The following RIMS2 variants were observed in gnomAD, a reference collection of about 807,000 sequenced individuals.
The protein encoded by RIMS2 is regulating synaptic membrane exocytosis protein 2.
In RIMS2, 59 loss-of-function variants were observed where a neutral mutation model predicts 174.4. The ratio of observed to expected loss-of-function variants is 0.34; its 90% CI spans 0.27 to 0.42. The LOEUF is 0.42. Among genes scored for constraint, RIMS2 ranks in the 10% least tolerant of loss-of-function variants. RIMS2 has a pLI of 1.00. For missense variants in RIMS2, 1,620 were observed against 1,666.3 expected, an observed-to-expected ratio of 0.97 and a Z score of 0.48; for synonymous variants, 606 against 572.5, an observed-to-expected ratio of 1.06 and a Z score of -0.84.
At chr8:103,504,872 G>A (rs1822635944) in intron 1 of RIMS2, among the ~76,000 whole-genome samples, 1 of 122,174 alleles carries the variant, frequency 8.2e-6, no homozygotes, top group Non-Finnish European at 1.7e-5. Context: ...TTTTGAGATA[G>A]GGTCTTTCTT....
intron 19 of RIMS2, among the ~76,000 whole-genome samples, chr8:104,053,986 T>C (rs553442836): frequency 3.3e-4 from 51 of 152,286 alleles, no homozygotes; most frequent in Admixed American, 2.0e-3. Context: ...CAACTCACTC[T>C]AGTTTGCAGC....
chr8:103,601,853 C>A (rs569836983), intron 1 of RIMS2, among the ~76,000 whole-genome samples: 12 of 152,000 alleles, frequency 7.9e-5, no homozygotes, highest in African/African-American at 2.9e-4. Flanking sequence ...CTTGCAAAGA[C>A]TTTCTTATAA....
At chr8:103,867,012 A>T (rs1564998743) in intron 3 of RIMS2, among the ~76,000 whole-genome samples, 1 of 151,994 alleles carries the variant, frequency 6.6e-6, no homozygotes, top group Non-Finnish European at 1.5e-5. Context: ...TAAGGAAAGG[A>T]AGAATTATTA....
chr8:103,720,318 A>AAT (rs2097429703), intron 2 of RIMS2, among the ~76,000 whole-genome samples: 1 of 152,186 alleles, frequency 6.6e-6, no homozygotes, highest in South Asian at 2.1e-4. Context: ...GCATGTACTT[A>AAT]TGCTAAATTA....
At chr8:104,043,683 A>G (rs902151314) in intron 19 of RIMS2, among the ~76,000 whole-genome samples, 22 of 151,818 alleles carry the variant, frequency 1.4e-4, no homozygotes, top group African/African-American at 4.8e-4. Flanking sequence ...TATGAGAGAC[A>G]ATTTAATTAT....
intron 19 of RIMS2, among the ~76,000 whole-genome samples, chr8:104,088,914 A>G (rs756691757): frequency 1.3e-5 from 2 of 152,038 alleles, no homozygotes; most frequent in South Asian, 4.1e-4. Context: ...AATGTTAGAT[A>G]TATAGGAAGA....
At chr8:104,198,505 T>C (rs980131762) in intron 19 of RIMS2, among the ~76,000 whole-genome samples, 11 of 152,192 alleles carry the variant, frequency 7.2e-5, no homozygotes, top group Non-Finnish European at 1.3e-4. Flanking sequence ...TGTGGATCAA[T>C]AACCAATGGG....
intron 2 of RIMS2, among the ~76,000 whole-genome samples, chr8:103,715,363 A>G (rs899917294): frequency 6.6e-6 from 1 of 151,954 alleles, no homozygotes; most frequent in Non-Finnish European, 1.5e-5. Context: ...AGTGTATGGT[A>G]TGTTGTTCCC....
intron 19 of RIMS2, chr8:104,148,682 TG>T (rs1288412196): frequency 6.9e-6 from 11 of 1,598,242 alleles, no homozygotes; most frequent in Non-Finnish European, 9.3e-6. Context: ...CCAGCATCAG[TG>T]GAGACATGTG....
chr8:103,900,435 G>A (rs1261773603), intron 4 of RIMS2, among the ~76,000 whole-genome samples: 2 of 148,630 alleles, frequency 1.3e-5, no homozygotes, highest in South Asian at 2.1e-4. Context: ...TGTTGGCCAG[G>A]CCATTATAGT....
intron 1 of RIMS2, among the ~76,000 whole-genome samples, chr8:103,639,287 A>C (rs2096169777): frequency 6.6e-6 from 1 of 151,868 alleles, no homozygotes; most frequent in African/African-American, 2.4e-5. Flanking sequence ...AATTTGTCAC[A>C]CTTTGTATTC....
intron 1 of RIMS2, among the ~76,000 whole-genome samples, chr8:103,522,789 T>G (rs1235024200): frequency 1.3e-5 from 2 of 152,178 alleles, no homozygotes; most frequent in African/African-American, 2.4e-5. Flanking sequence ...ACTTACCAGT[T>G]AAGCCAGTTA....
intron 19 of RIMS2, among the ~76,000 whole-genome samples, chr8:104,131,679 AT>A (rs2098474747): frequency 6.6e-6 from 1 of 151,744 alleles, no homozygotes; most frequent in South Asian, 2.1e-4. Flanking sequence ...AATATTTTAA[AT>A]TTGTGGAGGA....
chr8:103,691,337 A>G (rs1277942723), intron 1 of RIMS2, among the ~76,000 whole-genome samples: 4 of 151,986 alleles, frequency 2.6e-5, no homozygotes, highest in Non-Finnish European at 4.4e-5. Context: ...TTTTGAGGCT[A>G]TTTTCTAGAT....
chr8:104,166,709 G>T (rs1295523358), intron 19 of RIMS2, among the ~76,000 whole-genome samples: 2 of 151,182 alleles, frequency 1.3e-5, no homozygotes, highest in South Asian at 2.1e-4. Context: ...ATAAGGTAGA[G>T]TTACACAGTT....
At chr8:103,604,672 C>T (rs1313127657) in intron 1 of RIMS2, among the ~76,000 whole-genome samples, 6 of 144,244 alleles carry the variant, frequency 4.2e-5, no homozygotes, top group African/African-American at 1.0e-4. Context: ...TCTTTTATTT[C>T]GTTGAGCAGT....
intron 2 of RIMS2, among the ~76,000 whole-genome samples, chr8:103,754,292 G>A (rs561073986): frequency 6.6e-6 from 1 of 152,188 alleles, no homozygotes; most frequent in Non-Finnish European, 1.5e-5. Context: ...TGGTCTGAGC[G>A]ACAGTTTGTT....
At chr8:104,143,161 C>G (rs903134359) in intron 19 of RIMS2, among the ~76,000 whole-genome samples, 2 of 152,056 alleles carry the variant, frequency 1.3e-5, no homozygotes, top group African/African-American at 4.8e-5. Context: ...TTTTTGTATC[C>G]GCATATTTGT....
At chr8:104,167,692 A>G (rs538930666) in intron 19 of RIMS2, among the ~76,000 whole-genome samples, 6 of 151,980 alleles carry the variant, frequency 3.9e-5, no homozygotes, top group Admixed American at 2.0e-4. Context: ...GGTCCCACCT[A>G]TTTATCTCTG....
Sources: allele counts gnomAD v4.1 joint callset (sites outside exome capture counted in the v4.1 genomes callset), GRCh38; gene constraint gnomAD v4.1.1; transcripts MANE v1.5; gene names NCBI Gene and HGNC (gene_info 2026-07-23, HGNC 2026-07-21).